The following PRKAR1A variants were observed in gnomAD, a reference collection of about 807,000 sequenced individuals.
PRKAR1A encodes the protein cAMP-dependent protein kinase type I-alpha regulatory subunit.
PRKAR1A carries 3 observed loss-of-function variants against 52.0 expected under a neutral mutation model. That is an observed-to-expected ratio of 0.06 (90% CI 0.03 to 0.15). The LOEUF (loss-of-function observed/expected upper bound fraction) is 0.15. PRKAR1A is among the 10% of genes least tolerant of loss of function. The probability of loss-of-function intolerance (pLI) is 1.00; values close to 1 mark genes in which losing one functional copy is unlikely to be tolerated. For missense variants in PRKAR1A, 240 were observed against 477.4 expected, an observed-to-expected ratio of 0.50 and a Z score of 4.63; for synonymous variants, 188 against 168.4, an observed-to-expected ratio of 1.12 and a Z score of -0.90.
At chr17:68,448,966 T>C in the PRKAR1A span, among the ~76,000 whole-genome samples, 1 of 152,330 alleles carries the variant, frequency 6.6e-6, no homozygotes, top group African/African-American at 2.4e-5. Flanking sequence ...CTCCAGCTAT[T>C]TTTCACCGCA....
At chr17:68,445,817 C>A in the PRKAR1A span, among the ~76,000 whole-genome samples, 1 of 152,220 alleles carries the variant, frequency 6.6e-6, no homozygotes, top group Non-Finnish European at 1.5e-5. Flanking sequence ...AGCTGCCGAC[C>A]ACCCCTGCAC....
chr17:68,517,663 AATT>A (rs1292949091), intron 2 of PRKAR1A, among the ~76,000 whole-genome samples: 5 of 152,196 alleles, frequency 3.3e-5, no homozygotes, highest in Non-Finnish European at 5.9e-5. Context: ...TGGGAACTGC[AATT>A]CAAGATGAGA....
upstream of PRKAR1A, among the ~76,000 whole-genome samples, chr17:68,507,761 A>T (rs777464175): frequency 3.3e-5 from 5 of 152,204 alleles, no homozygotes; most frequent in African/African-American, 4.8e-5. Context: ...TTAAAGCCTC[A>T]AATCCATGAC....
chr17:68,540,636 A>C (rs1439672224), intron 11 of PRKAR1A: 3 of 668,872 alleles, frequency 4.5e-6, no homozygotes, highest in Non-Finnish European at 8.1e-6. Flanking sequence ...CTGCCTTATG[A>C]GTGACGACCC....
At chr17:68,422,226 G>A in the PRKAR1A span, 23 of 175,068 alleles carry the variant, frequency 1.3e-4, no homozygotes, top group South Asian at 2.8e-3. Flanking sequence ...AGGAGTTTGA[G>A]ACCAGCCTGG....
intron 2 of PRKAR1A, among the ~76,000 whole-genome samples, chr17:68,516,467 A>G (rs2085436913): frequency 6.6e-6 from 1 of 152,120 alleles, no homozygotes; most frequent in Non-Finnish European, 1.5e-5. Context: ...ATTGAAATGA[A>G]TCATATACCA....
At chr17:68,536,704 C>G (rs1303434336), downstream of PRKAR1A, 1 of 454,050 alleles carries the variant, frequency 2.2e-6, no homozygotes, top group South Asian at 1.6e-5. Context: ...TAGGCCTGTT[C>G]CCATGCCATC....
the PRKAR1A span, chr17:68,427,074 G>A: frequency 4.3e-6 from 6 of 1,397,124 alleles, no homozygotes; most frequent in Non-Finnish European, 6.1e-6. Context: ...GGAGCGTGCA[G>A]GGAGAAGGGG....
At chr17:68,478,635 T>A in the PRKAR1A span, among the ~76,000 whole-genome samples, 1 of 152,154 alleles carries the variant, frequency 6.6e-6, no homozygotes, top group Non-Finnish European at 1.5e-5. Flanking sequence ...TGTATCTGAA[T>A]GTGTCTATAT....
chr17:68,427,290 G>T, the PRKAR1A span: 2 of 1,505,576 alleles, frequency 1.3e-6, no homozygotes, highest in South Asian at 1.1e-5. Context: ...AAAGAAAAAA[G>T]AAATCATCAT....
chr17:68,469,662 C>T, the PRKAR1A span, among the ~76,000 whole-genome samples: 1 of 151,724 alleles, frequency 6.6e-6, no homozygotes, highest in Non-Finnish European at 1.5e-5. Flanking sequence ...GCATTATTGA[C>T]AAATGCCAAT....
the PRKAR1A span, among the ~76,000 whole-genome samples, chr17:68,444,922 T>G: frequency 7.0e-6 from 1 of 143,726 alleles, no homozygotes; most frequent in Non-Finnish European, 1.5e-5. Context: ...ACACTTTTTT[T>G]TTTTTTTTTT....
the PRKAR1A span, among the ~76,000 whole-genome samples, chr17:68,504,398 C>T: frequency 6.6e-6 from 1 of 152,180 alleles, no homozygotes; most frequent in East Asian, 1.9e-4. Flanking sequence ...ACCCAGGAGG[C>T]GGAGGTTGCA....
chr17:68,420,389 G>C, the PRKAR1A span: 1 of 1,614,140 alleles, frequency 6.2e-7, no homozygotes, highest in East Asian at 2.2e-5. Flanking sequence ...CTCCAGCGCA[G>C]ATTACACTCA....
At chr17:68,458,794 T>G in the PRKAR1A span, among the ~76,000 whole-genome samples, 1 of 152,226 alleles carries the variant, frequency 6.6e-6, no homozygotes, top group Non-Finnish European at 1.5e-5. Flanking sequence ...TTTTCAAATT[T>G]TGAGATGATA....
the PRKAR1A span, among the ~76,000 whole-genome samples, chr17:68,483,947 C>A: frequency 6.6e-6 from 1 of 151,852 alleles, no homozygotes; most frequent in Non-Finnish European, 1.5e-5. Context: ...GTTCATTGAT[C>A]TATTTGTTAA....
the PRKAR1A span, among the ~76,000 whole-genome samples, chr17:68,416,004 C>A: frequency 6.6e-6 from 1 of 152,134 alleles, no homozygotes; most frequent in African/African-American, 2.4e-5. Flanking sequence ...GCATTTAGAC[C>A]ATTTACATTC....
At chr17:68,465,524 A>AAG in the PRKAR1A span, among the ~76,000 whole-genome samples, 9 of 151,944 alleles carry the variant, frequency 5.9e-5, no homozygotes, top group African/African-American at 2.2e-4. Context: ...GTGTGACCTC[A>AAG]GCTCACTGCA....
chr17:68,515,465 C>G lies in PRKAR1A; in HGVS notation c.66C>G (p.Val22=), dbSNP rs748395923. 1 of 1,613,504 alleles carries G rather than the reference C, an allele frequency of 6.2e-7. No homozygotes were observed. Among genetic ancestry groups the G allele is most frequent in the Non-Finnish European group, 8.5e-7 (1 of 1,180,044 alleles). ...GCCTTCGAGAATGTGAGCTCTACGT[C>G]CAGAAGCATAACATTCAAGCGCTGC... is the stretch of plus-strand genomic sequence containing the variant. ...ARSLRECELY[V]QKHNIQALLK... Residue 22 remains valine, a synonymous_variant, in exon 2 of 11, where the codon GTC becomes GTG. Transcript: ENST00000589228.
Sources: allele counts gnomAD v4.1 joint callset (sites outside exome capture counted in the v4.1 genomes callset), GRCh38; gene constraint gnomAD v4.1.1; transcripts MANE v1.5; gene names NCBI Gene and HGNC (gene_info 2026-07-23, HGNC 2026-07-21).